The following MMP26 variants were observed in gnomAD, a reference collection of about 807,000 sequenced individuals.
The protein encoded by MMP26 is matrix metallopeptidase 26.
Under a neutral mutation model 31.0 loss-of-function variants are expected in MMP26, and 33 were observed. That is an observed-to-expected ratio of 1.06 (90% CI 0.81 to 1.42). The LOEUF (loss-of-function observed/expected upper bound fraction) is 1.42. Among genes scored for constraint, MMP26 ranks in the 40% most tolerant of loss-of-function variants. The pLI is 0.00. For missense variants in MMP26, 347 were observed against 316.1 expected (o/e 1.10, Z -0.74); for synonymous variants, 122 against 114.9 (o/e 1.06, Z -0.40).
At chr11:4,725,705 G>A (rs1044417642) in intron 1 of MMP26, among the ~76,000 whole-genome samples, 1 of 152,192 alleles carries the variant, frequency 6.6e-6, no homozygotes, top group Non-Finnish European at 1.5e-5. Flanking sequence ...AGATATAATG[G>A]CTCCCTTCAG....
intron 2 of MMP26, among the ~76,000 whole-genome samples, chr11:4,903,401 C>T (rs1850832167): frequency 6.6e-6 from 1 of 152,058 alleles, no homozygotes; most frequent in African/African-American, 2.4e-5. Flanking sequence ...ATTACTATCT[C>T]CATTTTGTGG....
intron 2 of MMP26, among the ~76,000 whole-genome samples, chr11:4,850,255 G>C (rs1849956830): frequency 6.6e-6 from 1 of 152,014 alleles, no homozygotes; most frequent in South Asian, 2.1e-4. Flanking sequence ...GGATGTTCCA[G>C]GCAATTTAAA....
chr11:4,964,993 G>C (rs1035725048), intron 2 of MMP26, among the ~76,000 whole-genome samples: 2 of 152,100 alleles, frequency 1.3e-5, no homozygotes, highest in East Asian at 3.8e-4. Flanking sequence ...TTAGGTGATG[G>C]AATGATCTGT....
At chr11:4,846,594 G>A (rs12795917) in intron 2 of MMP26, among the ~76,000 whole-genome samples, 23,055 of 152,078 alleles carry the variant, frequency 0.15, 2,103 homozygotes, top group South Asian at 0.32. Context: ...ACTGCTTGAG[G>A]GGATAGATAC....
At chr11:4,896,632 G>T (rs1198514036) in intron 2 of MMP26, among the ~76,000 whole-genome samples, 1 of 152,128 alleles carries the variant, frequency 6.6e-6, no homozygotes, top group Non-Finnish European at 1.5e-5. Context: ...ATTATTTTAG[G>T]TTTATGTTTC....
chr11:4,782,661 C>T (rs1271400864), intron 2 of MMP26, among the ~76,000 whole-genome samples: 3 of 152,148 alleles, frequency 2.0e-5, no homozygotes, highest in Non-Finnish European at 2.9e-5. Context: ...GTCTCCAGGG[C>T]ATGTCAGAGA....
At chr11:4,825,992 AAG>A (rs1462619597) in intron 2 of MMP26, among the ~76,000 whole-genome samples, 4 of 152,122 alleles carry the variant, frequency 2.6e-5, no homozygotes, top group African/African-American at 9.7e-5. Context: ...TAGCTTGTTA[AAG>A]AGAGTTATAA....
intron 2 of MMP26, among the ~76,000 whole-genome samples, chr11:4,879,637 C>T (rs1850430603): frequency 6.6e-6 from 1 of 152,128 alleles, no homozygotes; most frequent in Admixed American, 6.6e-5. Flanking sequence ...TAATACTTAA[C>T]TCATAAGGTT....
intron 1 of MMP26, among the ~76,000 whole-genome samples, chr11:4,731,587 C>T (rs556701019): frequency 3.9e-4 from 59 of 152,188 alleles, no homozygotes; most frequent in South Asian, 8.3e-4. Flanking sequence ...TGTTTCTAGA[C>T]GATAAGGAAA....
intron 2 of MMP26, among the ~76,000 whole-genome samples, chr11:4,957,147 G>A (rs1661966665): frequency 6.6e-6 from 1 of 152,098 alleles, no homozygotes; most frequent in Admixed American, 6.5e-5. Context: ...AAAGAGTTAT[G>A]AACTGAATGT....
At chr11:4,947,344 G>A (rs1181398507) in intron 2 of MMP26, among the ~76,000 whole-genome samples, 3 of 124,908 alleles carry the variant, frequency 2.4e-5, no homozygotes, top group African/African-American at 8.2e-5. Flanking sequence ...TTTCTATAGA[G>A]AATCCAGATT....
Position 4,936,353 on chromosome 11 carries a change from GT to G in MMP26, c.-144-51712del, listed in dbSNP as rs1157462784. 1.1e-3 allele frequency among the ~76,000 whole-genome samples: 164 copies of G among 152,036 alleles called. 3 individuals are homozygous for G. In the East Asian group the frequency reaches 0.03, roughly 28 times the overall value. On this transcript the variant is annotated intron_variant, in intron 2 of 7. Transcript: ENST00000380390. ...TTATCCATTTCTTCTAGATTTTCTAGTTTATTTGCGTAGAGGTGTTTGTAGT... is the reference window on the plus strand; with the variant it reads ...TTATCCATTTCTTCTAGATTTTCTAGTTATTTGCGTAGAGGTGTTTGTAGT...
chr11:4,853,912 T>TA (rs566802139), intron 2 of MMP26, among the ~76,000 whole-genome samples: 6 of 150,556 alleles, frequency 4.0e-5, no homozygotes, highest in South Asian at 2.1e-4. Context: ...TTTGGCTACA[T>TA]AAAAAAAAAA....
intron 2 of MMP26, chr11:4,973,677 G>T: frequency 5.7e-6 from 1 of 175,194 alleles, no homozygotes. Context: ...AGGTCAGAGA[G>T]AGCCAACATG....
At chr11:4,908,164 G>T in intron 2 of MMP26, 1 of 1,614,158 alleles carries the variant, frequency 6.2e-7, no homozygotes, top group Middle Eastern at 1.6e-4. Flanking sequence ...ACTTTGCCAA[G>T]CACAAAAGCC....
rs900326202 is a variant in MMP26 at position 4,935,768 on chromosome 11, T to G, written c.-144-52300T>G. 1.1e-3 allele frequency among the ~76,000 whole-genome samples: 159 copies of G among 151,178 alleles called. 1 individual carries two copies. Among genetic ancestry groups the G allele is most frequent in the African/African-American group, 3.6e-3 (149 of 41,362 alleles). ...TACGTCCCATCAATACCTAATTTAT[T>G]GAGAGTTTTTAGCATGAAGAGTTGT... On this transcript the variant is annotated intron_variant, in intron 2 of 7. Coordinates refer to ENST00000380390, the MANE Select transcript of MMP26 (RefSeq NM_021801.5).
chr11:4,839,231 G>T (rs1849761759), intron 2 of MMP26, among the ~76,000 whole-genome samples: 1 of 151,876 alleles, frequency 6.6e-6, no homozygotes, highest in African/African-American at 2.4e-5. Flanking sequence ...AAGTGATCTG[G>T]GTCTTTAAGT....
At chr11:4,978,642 T>G (rs1315592996) in intron 2 of MMP26, among the ~76,000 whole-genome samples, 3 of 152,094 alleles carry the variant, frequency 2.0e-5, no homozygotes, top group African/African-American at 7.2e-5. Flanking sequence ...ATTAACACAA[T>G]GGATATTGAT....
At chr11:4,806,558 G>A (rs1007738866) in intron 2 of MMP26, among the ~76,000 whole-genome samples, 2 of 151,620 alleles carry the variant, frequency 1.3e-5, no homozygotes, top group African/African-American at 4.8e-5. Context: ...TGCCTTTTTT[G>A]GTTTTCCATT....
Sources: gnomAD v4.1 joint callset for allele counts (sites outside exome capture counted in the v4.1 genomes callset) on GRCh38, gnomAD v4.1.1 for gene constraint, MANE v1.5 for transcripts, NCBI Gene and HGNC (gene_info 2026-07-23, HGNC 2026-07-21) for gene names.